Variants in SMIM21 observed in about 807,000 individuals in gnomAD.
SMIM21 encodes the protein chromosome 18 open reading frame 62.
Under a neutral mutation model 8.6 loss-of-function variants are expected in SMIM21, and 8 were observed. The observed-to-expected ratio is 0.93, with a 90% CI of 0.55 to 1.68. The LOEUF (loss-of-function observed/expected upper bound fraction) is 1.68. Among genes scored for constraint, SMIM21 ranks in the 40% most tolerant of loss-of-function variants. The pLI is 0.00. For missense variants in SMIM21, 132 were observed against 123.0 expected (o/e 1.07, Z -0.35); for synonymous variants, 43 against 41.7 (o/e 1.03, Z -0.12).
At chr18:75,418,392 G>C (rs1229278707) in intron 2 of SMIM21, among the ~76,000 whole-genome samples, 3 of 152,156 alleles carry the variant, frequency 2.0e-5, no homozygotes, top group Non-Finnish European at 4.4e-5. Context: ...TAAAAGACCA[G>C]GAGGGATTCA....
Position 75,427,682 on chromosome 18 carries a change from C to A in SMIM21, c.-119G>T. 2.8e-6 allele frequency: 3 copies of A among 1,081,632 alleles called. No individual in the cohort carries two copies. Among genetic ancestry groups the A allele is most frequent in the Non-Finnish European group, 3.8e-6 (3 of 797,686 alleles). 67.0% of individuals were successfully genotyped at this position (1,081,632 alleles called of 1,614,324 possible). On this transcript the variant is annotated 5_prime_UTR_variant, in exon 1 of 3. Transcript: ENST00000579022. ...CCCAAGGAGCTTTTCTCTTCTTTGC[C>A]AACCTTGAAGATCTGGGTATTATTT... is the stretch of plus-strand genomic sequence containing the variant.
At chr18:75,413,930 G>C (rs2024610319) in intron 2 of SMIM21, among the ~76,000 whole-genome samples, 1 of 152,092 alleles carries the variant, frequency 6.6e-6, no homozygotes, top group African/African-American at 2.4e-5. Context: ...ATTCAAATGA[G>C]TGCTGTGCCC....
chr18:75,424,245 G>C (rs1051527573), intron 1 of SMIM21, among the ~76,000 whole-genome samples: 1 of 152,190 alleles, frequency 6.6e-6, no homozygotes, highest in Non-Finnish European at 1.5e-5. Flanking sequence ...TTCTTATTTA[G>C]TGACTACATT....
At chr18:75,425,678 A>C (rs2024754041) in intron 1 of SMIM21, among the ~76,000 whole-genome samples, 1 of 152,236 alleles carries the variant, frequency 6.6e-6, no homozygotes, top group Non-Finnish European at 1.5e-5. Context: ...AGGCTGCATG[A>C]AAATGCTTAG....
chr18:75,425,331 G>C (rs181548503), intron 1 of SMIM21, among the ~76,000 whole-genome samples: 31 of 152,278 alleles, frequency 2.0e-4, no homozygotes, highest in African/African-American at 6.7e-4. Context: ...GAAATTAAAT[G>C]TGAAGATCTG....
Position 75,410,546 on chromosome 18 carries a change from C to A in SMIM21, c.*318G>T. ...CAGCAATTGAAAATATGACTACAGG[C>A]TTGATGTCCTAATGAAGAAGTTCTT... On this transcript the variant is annotated 3_prime_UTR_variant, in exon 3 of 3. Coordinates refer to ENST00000579022, the MANE Select transcript of SMIM21 (RefSeq NM_001037331.3). 2.4e-6 allele frequency: 1 copy of A among 408,300 alleles called. No individual in the cohort carries two copies. The highest frequency in any genetic ancestry group is 4.4e-5 in the East Asian group (1 of 22,556). 25.3% of individuals were successfully genotyped at this position (408,300 alleles called of 1,614,324 possible).
At position 75,427,557 on chromosome 18, in the gene SMIM21, G is replaced by A; in HGVS notation, c.7C>T (p.Gln3Ter). The A allele has an allele frequency of 6.2e-7, 1 of 1,608,554 alleles. No homozygotes were observed. Among genetic ancestry groups the A allele is most frequent in the Non-Finnish European group, 8.5e-7 (1 of 1,177,300 alleles). ...CGGGGAGGAGCTGTGGACACATACT[G>A]GTCCATGTGGGGGCTGCGGCGGTGA... is the stretch of plus-strand genomic sequence containing the variant. MD[Q>*]YVSTAPPRFP... is the part of the protein sequence containing the mutation. Residue 3 changes from glutamine to a stop codon, truncating the protein, a stop_gained, in exon 1 of 3, where the codon CAG (glutamine) becomes TAG (stop). Transcript: ENST00000579022. LOFTEE classifies it high-confidence loss of function.
chr18:75,415,096 T>C (rs2024629719), intron 2 of SMIM21, among the ~76,000 whole-genome samples: 1 of 152,168 alleles, frequency 6.6e-6, no homozygotes, highest in Non-Finnish European at 1.5e-5. Context: ...GAAGAGACAC[T>C]GAGCTCTGTC....
At chr18:75,421,060 T>TC (rs2024703402) in intron 1 of SMIM21, among the ~76,000 whole-genome samples, 2 of 152,204 alleles carry the variant, frequency 1.3e-5, no homozygotes, top group South Asian at 4.1e-4. Context: ...TGGACTTCTC[T>TC]AGAGTCTGAA....
At chr18:75,418,634 G>A (rs1435755750) in intron 2 of SMIM21, 152 bp downstream of exon 2, 3 of 656,280 alleles carry the variant, frequency 4.6e-6, no homozygotes, top group Non-Finnish European at 7.2e-6. Flanking sequence ...AAAGTAATTT[G>A]ATAGCTACCC....
intron 2 of SMIM21, chr18:75,418,068 C>T (rs2024667190): frequency 2.5e-6 from 1 of 396,552 alleles, no homozygotes; most frequent in African/African-American, 2.1e-5. Context: ...CTTGTGCCCA[C>T]TGGTATCTGA....
chr18:75,413,345 C>T (rs2024602949), intron 2 of SMIM21, among the ~76,000 whole-genome samples: 1 of 152,216 alleles, frequency 6.6e-6, no homozygotes, highest in Non-Finnish European at 1.5e-5. Flanking sequence ...TTGATTTTGT[C>T]TGCTTTTATT....
chr18:75,422,522 G>A (rs562009913), intron 1 of SMIM21, among the ~76,000 whole-genome samples: 16 of 152,286 alleles, frequency 1.1e-4, no homozygotes, highest in African/African-American at 3.9e-4. Flanking sequence ...CAAGTGTTCA[G>A]AGCAGCATGA....
chr18:75,415,032 A>G (rs1333407561), intron 2 of SMIM21, among the ~76,000 whole-genome samples: 3 of 152,204 alleles, frequency 2.0e-5, no homozygotes, highest in African/African-American at 7.2e-5. Context: ...GGACTTTCAG[A>G]TAGGGAAAGA....
At chr18:75,416,127 A>G (rs1440831336) in intron 2 of SMIM21, 3 of 152,244 alleles carry the variant, frequency 2.0e-5, no homozygotes, top group Admixed American at 1.3e-4. Context: ...TGCCCCCAAA[A>G]TGTTTGTAGC....
chr18:75,410,758 CAAT>C lies in SMIM21; in HGVS notation c.*103_*105del. Reference sequence around the variant, plus strand: ...TGTGGAGCTCCTTTTAAAAAGTGAGCAATAATCTGCTATCTCTAAGCAATCTGA... The same window carrying C: ...TGTGGAGCTCCTTTTAAAAAGTGAGCAATCTGCTATCTCTAAGCAATCTGA... On this transcript the variant is annotated 3_prime_UTR_variant, in exon 3 of 3. Transcript: ENST00000579022. The C allele has an allele frequency of 6.4e-7, 1 of 1,553,274 alleles. No individual in the cohort carries two copies. The highest frequency in any genetic ancestry group is 8.7e-7 in the Non-Finnish European group (1 of 1,152,990).
chr18:75,418,864 A>T lies in SMIM21; in HGVS notation c.182T>A (p.Val61Glu). ...RFFTLLVLFH[V>E]MVLLRNHSRI... ...GCTATGATTCCTCAGCAACACCATC[A>T]CATGGAAAAGAACCAACAATGTGAA... The change falls in exon 2 of 3, where the codon GTG becomes GAG. Residue 61 changes from valine to glutamate, a missense_variant. Val to Glu is a moderately radical substitution (Grantham distance 121, BLOSUM62 -2). Coordinates refer to ENST00000579022, the MANE Select transcript of SMIM21 (RefSeq NM_001037331.3). The T allele has an allele frequency of 8.7e-6, 14 of 1,609,414 alleles. No homozygotes were observed. Among genetic ancestry groups the T allele is most frequent in the African/African-American group, 1.3e-5 (1 of 74,954 alleles).
chr18:75,415,195 GT>G (rs989835953), intron 2 of SMIM21, among the ~76,000 whole-genome samples: 2 of 152,186 alleles, frequency 1.3e-5, no homozygotes, highest in African/African-American at 2.4e-5. Flanking sequence ...TCCCAGGTAA[GT>G]CTCCATGGAA....
chr18:75,425,565 A>C (rs912656427), intron 1 of SMIM21, among the ~76,000 whole-genome samples: 1 of 152,178 alleles, frequency 6.6e-6, no homozygotes, highest in Non-Finnish European at 1.5e-5. Context: ...CCATCATATG[A>C]TTTATTATTA....
Sources: allele counts gnomAD v4.1 joint callset (sites outside exome capture counted in the v4.1 genomes callset), GRCh38; gene constraint gnomAD v4.1.1; transcripts MANE v1.5; gene names NCBI Gene and HGNC (gene_info 2026-07-23, HGNC 2026-07-21).